ABCA3: variants seen among roughly 807,000 people sequenced by gnomAD.
ABCA3 encodes phospholipid-transporting ATPase ABCA3.
In ABCA3, 88 loss-of-function variants were observed where a neutral mutation model predicts 172.8. The observed-to-expected ratio is 0.51, with a 90% CI of 0.43 to 0.61. ABCA3 has a LOEUF of 0.61. ABCA3 is among the 20% of genes least tolerant of loss of function. ABCA3 has a pLI of 0.00. For missense variants in ABCA3, 2,164 were observed against 2,301.0 expected (o/e 0.94, Z 1.22); for synonymous variants, 1,066 against 983.8 (o/e 1.08, Z -1.56).
At chr16:2,290,015 C>G (rs1227171438) in intron 19 of ABCA3, among the ~76,000 whole-genome samples, 2 of 147,198 alleles carry the variant, frequency 1.4e-5, no homozygotes, top group African/African-American at 5.2e-5. Context: ...CTTCCTAGAG[C>G]TCCCCGCCGA....
rs200066063 is a variant in ABCA3, at chr16:2,283,140, C to G, written c.4035+46G>C. ...AGGTTGTGCTGGGCCCAAGCAGAGA[C>G]GTGGGGAGCATCTCGCCAGTGTCCT... On this transcript the variant is annotated intron_variant, in intron 26 of 32. Coordinates refer to ENST00000301732, the MANE Select transcript of ABCA3 (RefSeq NM_001089.3). The surrounding 1 kb of genome is among the most constrained non-coding windows in gnomAD (Gnocchi z 5.4). 3 of 1,588,404 alleles carry G rather than the reference C, an allele frequency of 1.9e-6. No individual in the cohort carries two copies. The highest frequency in any genetic ancestry group is 2.6e-6 in the Non-Finnish European group (3 of 1,164,412).
chr16:2,279,513 A>AG lies in ABCA3; in HGVS notation c.4360-384dup, dbSNP rs1283932635. ...AGGACTCTTTCTTCTCCCTCTAAGA[A>AG]GAAAGATTTGTGGGCACCACGTTTG... On this transcript the variant is annotated intron_variant, in intron 28 of 32. Transcript: ENST00000301732. The surrounding 1 kb of genome is among the most constrained non-coding windows in gnomAD (Gnocchi z 4.4). Among the ~76,000 whole-genome samples the AG allele has an allele frequency of 1.3e-5, 2 of 152,196 alleles. No homozygotes were observed. The highest frequency in any genetic ancestry group is 2.9e-5 in the Non-Finnish European group (2 of 68,034).
Position 2,324,516 on chromosome 16 carries a change from G to A in ABCA3, c.335C>T (p.Ser112Phe). The A allele has an allele frequency of 1.2e-6, 2 of 1,610,466 alleles. No homozygotes were observed. The highest frequency in any genetic ancestry group is 1.7e-6 in the Non-Finnish European group (2 of 1,179,980). Residue 112 changes from serine to phenylalanine, a missense_variant, in exon 6 of 33, where the codon TCC becomes TTC. Ser to Phe is a radical substitution (Grantham distance 155). Coordinates refer to ENST00000301732, the MANE Select transcript of ABCA3 (RefSeq NM_001089.3). ...VINMRVRGFP[S>F]EKDFEDYIRY... ...AATGTAGTCCTCAAAGTCCTTCTCG[G>A]AGGGAAAGCCGCGCACTGCAAAGAG...
chr16:2,276,903 C>T lies in ABCA3; in HGVS notation c.4984-98G>A, dbSNP rs561731196. On this transcript the variant is annotated intron_variant, in intron 32 of 32. Transcript: ENST00000301732. Reference sequence around the variant, plus strand: ...TGGCAATAGGGGCTGATGAGGCCCCCACAATCCTACCCCTGCCCAGCGCCA... The same window carrying T: ...TGGCAATAGGGGCTGATGAGGCCCCTACAATCCTACCCCTGCCCAGCGCCA... 8.0e-6 allele frequency: 12 copies of T among 1,509,004 alleles called. 1 individual carries two copies. In the East Asian group the frequency reaches 2.1e-4, roughly 26 times the overall value. 93.5% of individuals were successfully genotyped at this position (1,509,004 alleles called of 1,614,324 possible).
At chr16:2,289,664 G>T (rs1176505450) in intron 19 of ABCA3, 44 bp from the exon 20 acceptor site, 9 of 1,539,526 alleles carry the variant, frequency 5.8e-6, no homozygotes, top group Non-Finnish European at 7.9e-6. Flanking sequence ...CAGCTCCCCG[G>T]GTGGGTGGAG....
chr16:2,334,125 C>T (rs1025236356), intron 1 of ABCA3, among the ~76,000 whole-genome samples: 6 of 152,064 alleles, frequency 3.9e-5, no homozygotes, highest in Admixed American at 2.6e-4. Flanking sequence ...TGTGAGACAG[C>T]GAGCAAGACA....
chr16:2,285,429 C>G lies in ABCA3; in HGVS notation c.3483+13G>C, dbSNP rs767709908. The stretch of plus-strand genomic sequence containing the variant: ...TCTGCAGGGGAACGGATCCAGCACC[C>G]TCCGGCGCTCACCAGCAGCAGCAGA... On this transcript the variant is annotated intron_variant, in intron 23 of 32. Transcript: ENST00000301732. The surrounding 1 kb of genome is among the most constrained non-coding windows in gnomAD (Gnocchi z 4.7). 1 of 1,600,568 alleles carries G rather than the reference C, an allele frequency of 6.2e-7. No homozygotes were observed. The highest frequency in any genetic ancestry group is 1.3e-5 in the African/African-American group (1 of 74,738).
At chr16:2,313,964 T>G (rs1464546653) in intron 10 of ABCA3, among the ~76,000 whole-genome samples, 1 of 151,252 alleles carries the variant, frequency 6.6e-6, no homozygotes, top group Non-Finnish European at 1.5e-5. Flanking sequence ...GGATGGCGAC[T>G]ATAAAAAACA....
chr16:2,332,083 C>T lies in ABCA3; in HGVS notation c.-538-2229G>A, dbSNP rs527610528. 2.6e-5 allele frequency among the ~76,000 whole-genome samples: 4 copies of T among 152,310 alleles called. No individual in the cohort carries two copies. The East Asian group carries it at 7.7e-4, about 29-fold the overall frequency. ...TGCAGGCTGCTCATTTCTCAGAACT[C>T]TCTTGATGGCACAAATTCTTCTACA... On this transcript the variant is annotated intron_variant, in intron 1 of 32. Transcript: ENST00000301732.
intron 1 of ABCA3, chr16:2,332,741 ATTTCTT>A: frequency 9.0e-7 from 1 of 1,105,962 alleles, no homozygotes; most frequent in East Asian, 2.4e-5. Flanking sequence ...TGCCTCCTCC[ATTTCTT>A]TATTTGTGGT....
At chr16:2,329,531 A>T (rs1393356748) in intron 2 of ABCA3, 117 bp downstream of exon 2, 1 of 152,266 alleles carries the variant, frequency 6.6e-6, no homozygotes, top group African/African-American at 2.4e-5. Flanking sequence ...TGGCCAAGAA[A>T]GGAAAGATCC....
Position 2,281,432 on chromosome 16 carries a change from G to A in ABCA3, c.4113C>T (p.Pro1371=). ...GTGTGTGGAGCAGGGAGTCCGGACT[G>A]GGGGCCAGGATGCGGGTCCTCTCGT... The part of the protein sequence containing the change: ...VADERTRILA[P]SPDSLLHTPL... The change falls in exon 27 of 33, where the codon CCC becomes CCT. Residue 1371 remains proline (P), a synonymous_variant. Coordinates refer to ENST00000301732, the MANE Select transcript of ABCA3 (RefSeq NM_001089.3). The surrounding 1 kb of genome is among the most constrained non-coding windows in gnomAD (Gnocchi z 4.7). 3 of 1,612,592 alleles carry A rather than the reference G, an allele frequency of 1.9e-6. No individual in the cohort carries two copies. The highest frequency in any genetic ancestry group is 1.7e-4 in the Middle Eastern group (1 of 6,054).
At chr16:2,332,552 T>C (rs896349795) in intron 1 of ABCA3, 12 of 1,129,304 alleles carry the variant, frequency 1.1e-5, no homozygotes, top group African/African-American at 1.5e-5. Context: ...CGGACACGAA[T>C]GTCCACACCA....
chr16:2,322,228 C>T (rs543413100), intron 7 of ABCA3, among the ~76,000 whole-genome samples: 1 of 150,750 alleles, frequency 6.6e-6, no homozygotes, highest in Non-Finnish European at 1.5e-5. Context: ...AGCTGAAATA[C>T]AAATGTTTCA....
intron 10 of ABCA3, among the ~76,000 whole-genome samples, chr16:2,315,203 TACACACACACACACACACACAC>T (rs377647001): frequency 7.2e-6 from 1 of 138,424 alleles, no homozygotes; most frequent in Non-Finnish European, 1.6e-5. Context: ...GTATGTATTT[TACACACACACACACACACACAC>T]ACACACACAC....
In ABCA3 at chr16:2,334,147, C is replaced by T. The variant is rs765605173; in HGVS notation, c.-538-4293G>A. 1.0e-3 allele frequency among the ~76,000 whole-genome samples: 154 copies of T among 152,096 alleles called. 1 individual carries two copies. The highest frequency in any genetic ancestry group is 1.7e-3 in the Admixed American group (26 of 15,260). On this transcript the variant is annotated intron_variant, in intron 1 of 32. Coordinates refer to ENST00000301732, the MANE Select transcript of ABCA3 (RefSeq NM_001089.3). ...CAGCGAGCAAGACAGGGAGATGGCC[C>T]GGGAGGGTGATGGGGGGAGGTGACA... is the stretch of plus-strand genomic sequence containing the variant.
intron 11 of ABCA3, among the ~76,000 whole-genome samples, chr16:2,307,157 A>G (rs2093699225): frequency 6.6e-6 from 1 of 151,976 alleles, no homozygotes; most frequent in Non-Finnish European, 1.5e-5. Context: ...GTCGTTTATC[A>G]CTTGTTTCTC....
rs371756616 is a variant in ABCA3, at chr16:2,331,446, G to C, written c.-538-1592C>G. On this transcript the variant is annotated intron_variant, in intron 1 of 32. Transcript: ENST00000301732. ...ACTCCTGACCTCAAGTGATCCGCCC[G>C]CCTCGGCCTCCCAAAGTGTGGGGAT... Among the ~76,000 whole-genome samples, 3 of 152,180 alleles carry C rather than the reference G, an allele frequency of 2.0e-5. No individual in the cohort carries two copies. In the East Asian group the frequency reaches 5.8e-4, roughly 29 times the overall value.
In ABCA3 at chr16:2,287,049, G is replaced by A. The variant is rs1171871562; in HGVS notation, c.3005-82C>T. 2.0e-6 allele frequency: 3 copies of A among 1,497,144 alleles called. No individual in the cohort carries two copies. In the East Asian group the frequency reaches 7.2e-5, roughly 36 times the overall value. 92.7% of individuals were successfully genotyped at this position (1,497,144 alleles called of 1,614,324 possible). On this transcript the variant is annotated intron_variant, in intron 21 of 32. Transcript: ENST00000301732. This position sits in a 1 kb window ranked among gnomAD's most constrained non-coding sequence, Gnocchi z 4.1. ...CTGCCACCTGAGCATGGCTAATCAG[G>A]GACCCAATAGAGTGGTGCCAGCATC...
Sources: gnomAD v4.1 joint callset for allele counts (sites outside exome capture counted in the v4.1 genomes callset) on GRCh38, gnomAD v4.1.1 for gene constraint, Gnocchi (gnomAD v3.1) non-coding constraint, MANE v1.5 for transcripts, NCBI Gene and HGNC (gene_info 2026-07-23, HGNC 2026-07-21) for gene names.